EPHA3: variants seen among roughly 807,000 people sequenced by gnomAD.
The protein encoded by EPHA3 is ephrin type-A receptor 3.
EPHA3 carries 42 observed loss-of-function variants against 107.1 expected under a neutral mutation model. The ratio of observed to expected loss-of-function variants is 0.39; its 90% CI spans 0.31 to 0.51. The LOEUF (loss-of-function observed/expected upper bound fraction) is 0.51, where lower values mean the gene tolerates loss of function less well. Among genes scored for constraint, EPHA3 ranks in the 20% least tolerant of loss-of-function variants. The probability of loss-of-function intolerance (pLI) is 0.78; values close to 1 mark genes in which losing one functional copy is unlikely to be tolerated. For missense variants in EPHA3, 1,183 were observed against 1,211.2 expected (o/e 0.98, Z 0.35); for synonymous variants, 461 against 424.8 (o/e 1.09, Z -1.05).
intron 1 of EPHA3, among the ~76,000 whole-genome samples, chr3:89,121,294 A>G (rs1267861645): frequency 3.3e-5 from 5 of 152,176 alleles, no homozygotes; most frequent in African/African-American, 1.2e-4. Flanking sequence ...TTAGCTGTTC[A>G]TTTGATAAAA....
chr3:89,357,191 G>A (rs1218870628), intron 5 of EPHA3, among the ~76,000 whole-genome samples: 1 of 146,920 alleles, frequency 6.8e-6, no homozygotes, highest in East Asian at 2.0e-4. Flanking sequence ...GGTGATACGG[G>A]AAGAAACCAG....
At chr3:89,287,247 T>C (rs141215519) in intron 3 of EPHA3, among the ~76,000 whole-genome samples, 201 of 152,292 alleles carry the variant, frequency 1.3e-3, no homozygotes, top group Admixed American at 2.2e-3. Context: ...TTGGTTAGCA[T>C]TATCATTATC....
At position 89,117,740 on chromosome 3, in the gene EPHA3, GA is replaced by G. The variant is rs539487471; in HGVS notation, c.89-9462del. 4.3e-3 allele frequency among the ~76,000 whole-genome samples: 652 copies of G among 151,442 alleles called. 4 individuals are homozygous for G. The highest frequency in any genetic ancestry group is 0.015 in the African/African-American group (609 of 41,376). ...TTTTTGAATTACAAACAGGTGATGT[GA>G]AAAAAACAAAAACAACCATTGATTT... On this transcript the variant is annotated intron_variant, in intron 1 of 16. Coordinates refer to ENST00000336596, the MANE Select transcript of EPHA3 (RefSeq NM_005233.6).
chr3:89,423,120 G>A (rs76545149), intron 11 of EPHA3, among the ~76,000 whole-genome samples: 15,307 of 151,386 alleles, frequency 0.1, 1,099 homozygotes, highest in African/African-American at 0.21. Context: ...TTCACCTAGC[G>A]AAATAGAAGG....
intron 11 of EPHA3, among the ~76,000 whole-genome samples, chr3:89,421,182 A>G (rs903335803): frequency 3.3e-5 from 5 of 151,398 alleles, no homozygotes; most frequent in African/African-American, 1.2e-4. Context: ...AATTTCTGGA[A>G]CTATTAATAA....
chr3:89,197,296 C>G (rs1209119118), intron 2 of EPHA3, among the ~76,000 whole-genome samples: 1 of 151,746 alleles, frequency 6.6e-6, no homozygotes, highest in Non-Finnish European at 1.5e-5. Flanking sequence ...CACTTACTAT[C>G]GATATTATCT....
intron 15 of EPHA3, among the ~76,000 whole-genome samples, chr3:89,460,394 A>C (rs1710199309): frequency 6.6e-6 from 1 of 152,240 alleles, no homozygotes; most frequent in South Asian, 2.1e-4. Flanking sequence ...TAATATTTAG[A>C]ACAAGGTTCT....
At chr3:89,219,406 G>T (rs1704294542) in intron 3 of EPHA3, among the ~76,000 whole-genome samples, 1 of 151,868 alleles carries the variant, frequency 6.6e-6, no homozygotes, top group African/African-American at 2.4e-5. Flanking sequence ...CAGGTGATCT[G>T]CCTGCCTTGG....
chr3:89,300,935 A>G (rs568257250), intron 3 of EPHA3, among the ~76,000 whole-genome samples: 2 of 152,192 alleles, frequency 1.3e-5, no homozygotes, highest in South Asian at 4.1e-4. Context: ...CATGGTTATA[A>G]AGCAAGGTAG....
chr3:89,285,551 G>A (rs1322006968), intron 3 of EPHA3, among the ~76,000 whole-genome samples: 3 of 152,212 alleles, frequency 2.0e-5, no homozygotes, highest in African/African-American at 7.2e-5. Context: ...CTAAAAAGGT[G>A]ACATTTGATT....
intron 6 of EPHA3, among the ~76,000 whole-genome samples, chr3:89,398,537 G>T (rs1488431594): frequency 6.6e-6 from 1 of 152,048 alleles, no homozygotes; most frequent in African/African-American, 2.4e-5. Context: ...AAATAATGTA[G>T]AGCTACATAT....
intron 11 of EPHA3, among the ~76,000 whole-genome samples, chr3:89,423,661 C>T (rs1315087106): frequency 1.3e-5 from 2 of 151,366 alleles, no homozygotes; most frequent in African/African-American, 4.8e-5. Context: ...TAAAAAATCA[C>T]TGCTCGATAT....
At chr3:89,273,828 A>C (rs1235085541) in intron 3 of EPHA3, among the ~76,000 whole-genome samples, 1 of 151,934 alleles carries the variant, frequency 6.6e-6, no homozygotes, top group Non-Finnish European at 1.5e-5. Flanking sequence ...GATATTTTCT[A>C]ACATGTATTT....
chr3:89,288,430 G>C (rs1280191166), intron 3 of EPHA3, among the ~76,000 whole-genome samples: 6 of 152,068 alleles, frequency 3.9e-5, no homozygotes, highest in Admixed American at 3.3e-4. Flanking sequence ...AAATCTTTGA[G>C]TGGATACAGA....
At chr3:89,407,154 A>C (rs929103477) in intron 7 of EPHA3, 115 bp from the exon 8 acceptor site, 1 of 675,292 alleles carries the variant, frequency 1.5e-6, no homozygotes, top group Non-Finnish European at 2.6e-6. Flanking sequence ...ATTAAGCCAT[A>C]CTTCAGGTAA....
chr3:89,419,091 G>A (rs1709305028), intron 10 of EPHA3, 114 bp from the exon 11 acceptor site: 2 of 1,116,432 alleles, frequency 1.8e-6, no homozygotes, highest in African/African-American at 1.6e-5. Context: ...ACATCTTGCA[G>A]GTCAAAGGCA....
intron 5 of EPHA3, among the ~76,000 whole-genome samples, chr3:89,347,614 C>G (rs1056634003): frequency 6.7e-6 from 1 of 150,072 alleles, no homozygotes; most frequent in East Asian, 1.9e-4. Context: ...ATTTCCTTCT[C>G]CTGCCTAATT....
chr3:89,198,619 G>A (rs1235650789), intron 2 of EPHA3, among the ~76,000 whole-genome samples: 3 of 152,150 alleles, frequency 2.0e-5, no homozygotes, highest in Non-Finnish European at 4.4e-5. Context: ...TTTCAGAGAA[G>A]TGCTCTCAAA....
At chr3:89,140,146 A>G (rs538658054) in intron 2 of EPHA3, among the ~76,000 whole-genome samples, 2 of 151,798 alleles carry the variant, frequency 1.3e-5, no homozygotes, top group Admixed American at 6.6e-5. Context: ...TTCTTAACTC[A>G]TTTTCTGACA....
Sources: gnomAD v4.1 joint callset for allele counts (sites outside exome capture counted in the v4.1 genomes callset) on GRCh38, gnomAD v4.1.1 for gene constraint, MANE v1.5 for transcripts, NCBI Gene and HGNC (gene_info 2026-07-23, HGNC 2026-07-21) for gene names.